Variants in HNRNPH1 observed in about 807,000 individuals in gnomAD.
HNRNPH1 encodes heterogeneous nuclear ribonucleoprotein H1.
In HNRNPH1, 4 loss-of-function variants were observed where a neutral mutation model predicts 58.6. That is an observed-to-expected ratio of 0.07 (90% CI 0.03 to 0.16). The LOEUF is 0.16. Ranked by LOEUF, HNRNPH1 falls within the 10% of genes least tolerant of loss-of-function variation. The pLI is 1.00. For synonymous variants in HNRNPH1, 192 were observed against 189.2 expected, an observed-to-expected ratio of 1.01 and a Z score of -0.12; for missense variants, 271 against 564.2, an observed-to-expected ratio of 0.48 and a Z score of 5.26.
intron 1 of HNRNPH1, among the ~76,000 whole-genome samples, chr5:179,622,156 GTCT>G (rs1184284949): frequency 6.6e-6 from 1 of 152,162 alleles, no homozygotes; most frequent in Non-Finnish European, 1.5e-5. Flanking sequence ...GGGCTTCAGT[GTCT>G]TCAACTGTAT....
At chr5:179,614,866 C>G (rs1363816467) in exon 13 of HNRNPH1, 1 of 1,516,658 alleles carries the variant, frequency 6.6e-7, no homozygotes, top group South Asian at 1.2e-5. Context: ...ACCACTCATA[C>G]TGGACATGCT....
chr5:179,619,923 T>A (rs1031942544), intron 3 of HNRNPH1: 2 of 152,254 alleles, frequency 1.3e-5, no homozygotes, highest in African/African-American at 4.8e-5. Flanking sequence ...CACAGCACAA[T>A]CATGCATGCT....
chr5:179,616,710 C>G (rs2127615666), intron 10 of HNRNPH1, 159 bp downstream of exon 11: 1 of 659,792 alleles, frequency 1.5e-6, no homozygotes, highest in East Asian at 2.7e-5. Context: ...TCATAACTCA[C>G]AAGGATTTAA....
At chr5:179,616,562 A>C in intron 10 of HNRNPH1, 1 of 509,668 alleles carries the variant, frequency 2.0e-6, no homozygotes, top group South Asian at 2.5e-5. Flanking sequence ...CAATACACCT[A>C]ATTATGCCCA....
At chr5:179,623,408 G>T (rs999640972) in exon 1 of HNRNPH1, 1 of 257,320 alleles carries the variant, frequency 3.9e-6, no homozygotes. Context: ...AAATGGCGGC[G>T]GCCGCTTCCG....
chr5:179,616,829 T>C (rs1237726036), intron 10 of HNRNPH1, 40 bp downstream of exon 11: 1 of 1,479,988 alleles, frequency 6.8e-7, no homozygotes. Flanking sequence ...CTTATACAGA[T>C]ATAAACGTTT....
chr5:179,621,526 CGAT>C, intron 1 of HNRNPH1, 129 bp from the exon 3 acceptor site: 1 of 698,258 alleles, frequency 1.4e-6, no homozygotes, highest in Non-Finnish European at 2.4e-6. Flanking sequence ...ATACTGACCA[CGAT>C]ATTACCAACT....
In HNRNPH1 at chr5:179,615,967, C is replaced by A. The variant is rs748169214; in HGVS notation, c.1300+159G>T. 30 of 620,976 alleles carry A rather than the reference C, an allele frequency of 4.8e-5. No individual in the cohort carries two copies. In the South Asian group the frequency reaches 6.2e-4, roughly 13 times the overall value. The allele number at this position is 620,976 out of a possible 1,614,324, so 38.5% of individuals were successfully genotyped here. On this transcript the variant is annotated intron_variant, in intron 11 of 12. Coordinates refer to ENST00000356731, the Ensembl canonical transcript of HNRNPH1. ...GGATTGAAAGCATACATTTCATAAC[C>A]CAATTTCACCGAAAGGAGCCTGCAT... is the stretch of plus-strand genomic sequence containing the variant.
At position 179,618,192 on chromosome 5, in the gene HNRNPH1, C is replaced by A. The variant is rs1770700791; in HGVS notation, c.668G>T (p.Gly223Val). ...CATCCTCTCAAAGCCAGCTCCTCTGCCAATGCTGTTATACCCTCTACCAGC... is the reference window on the plus strand; with the variant it reads ...CATCCTCTCAAAGCCAGCTCCTCTGACAATGCTGTTATACCCTCTACCAGC... Residue 223 changes from glycine (G) to valine (V), a missense_variant, in exon 5 of 13, where the codon GGC becomes GTC. By Grantham distance (109) the Gly-to-Val change is moderately radical (BLOSUM62 -3). Around this residue, in one of 6 missense-constraint regions of HNRNPH1, gnomAD observed 33 missense variants for 29.5 expected, o/e 1.12. Coordinates refer to ENST00000356731, the Ensembl canonical transcript of HNRNPH1. 4 of 1,614,050 alleles carry A rather than the reference C, an allele frequency of 2.5e-6. No homozygotes were observed. The highest frequency in any genetic ancestry group is 1.7e-5 in the Admixed American group (1 of 59,996).
intron 3 of HNRNPH1, chr5:179,620,621 A>C (rs1771893316): frequency 2.8e-6 from 1 of 352,496 alleles, no homozygotes; most frequent in East Asian, 4.8e-5. Flanking sequence ...CAATGTGAGG[A>C]AAGTAGTTAA....
intron 12 of HNRNPH1, 136 bp downstream of exon 13, chr5:179,615,410 G>A (rs1769045226): frequency 3.7e-6 from 2 of 541,558 alleles, no homozygotes; most frequent in East Asian, 3.0e-5. Flanking sequence ...AACCAAGCTG[G>A]ACTAAAGGCA....
chr5:179,628,487 G>A (rs1011882908), upstream of HNRNPH1, among the ~76,000 whole-genome samples: 1 of 152,100 alleles, frequency 6.6e-6, no homozygotes, highest in African/African-American at 2.4e-5. Flanking sequence ...CAGAGTAGCT[G>A]GGTTTACAGG....
intron 6 of HNRNPH1, 27 bp from the exon 8 acceptor site, chr5:179,617,959 T>C: frequency 6.2e-7 from 1 of 1,614,082 alleles, no homozygotes; most frequent in Non-Finnish European, 8.5e-7. Context: ...GTAAGCATCC[T>C]TCAACTGAGA....
At chr5:179,627,866 G>C (rs1240568577), upstream of HNRNPH1, among the ~76,000 whole-genome samples, 1 of 150,920 alleles carries the variant, frequency 6.6e-6, no homozygotes, top group Non-Finnish European at 1.5e-5. Context: ...AGGTTGCAGT[G>C]AGCAGAGATC....
At chr5:179,626,892 C>T, upstream of HNRNPH1, among the ~76,000 whole-genome samples, 1 of 151,218 alleles carries the variant, frequency 6.6e-6, no homozygotes, top group East Asian at 2.0e-4. Flanking sequence ...TCTCCTGCCT[C>T]AGCCTCCCGA....
At chr5:179,629,988 C>G (rs1267788897) in intron 2 of HNRNPH1, among the ~76,000 whole-genome samples, 2 of 152,004 alleles carry the variant, frequency 1.3e-5, no homozygotes, top group Non-Finnish European at 2.9e-5. Flanking sequence ...CACGCCACTA[C>G]ACTCGAGCCT....
intron 1 of HNRNPH1, chr5:179,621,829 A>G: frequency 1.0e-5 from 4 of 388,996 alleles, no homozygotes; most frequent in South Asian, 3.6e-5. Context: ...TCAAATTACA[A>G]GCCCAATACT....
At position 179,617,780 on chromosome 5, in the gene HNRNPH1, G is replaced by A. The variant is rs746612505; in HGVS notation, c.921+19C>T. 1.2e-6 allele frequency: 2 copies of A among 1,612,920 alleles called. No homozygotes were observed. Among genetic ancestry groups the A allele is most frequent in the South Asian group, 1.1e-5 (1 of 91,022 alleles). ...CTGCCATACTGAAATATTGACTTGT[G>A]AGTTCATCTCACACTTACATTATAA... On this transcript the variant is annotated intron_variant, in intron 7 of 12. Coordinates refer to ENST00000356731, the Ensembl canonical transcript of HNRNPH1.
exon 1 of HNRNPH1, chr5:179,623,807 C>T (rs1432821379): frequency 6.6e-6 from 1 of 152,414 alleles, no homozygotes; most frequent in Non-Finnish European, 1.5e-5. Context: ...GCCCACCTCC[C>T]GCCGGCGGAT....
Sources: allele counts gnomAD v4.1 joint callset (sites outside exome capture counted in the v4.1 genomes callset), GRCh38; gene constraint gnomAD v4.1.1; regional missense constraint gnomAD v4.1.1; transcripts MANE v1.5; gene names NCBI Gene and HGNC (gene_info 2026-07-23, HGNC 2026-07-21).